FOXP1: variants seen among roughly 807,000 people sequenced by gnomAD.
FOXP1 encodes the protein forkhead box P1.
In FOXP1, 15 loss-of-function variants were observed where a neutral mutation model predicts 98.2. That is an observed-to-expected ratio of 0.15 (90% confidence interval 0.10 to 0.24). FOXP1 has a LOEUF of 0.24. Among genes scored for constraint, FOXP1 ranks in the 10% least tolerant of loss-of-function variants. The probability of loss-of-function intolerance (pLI) is 1.00; values close to 1 mark genes in which losing one functional copy is unlikely to be tolerated. For missense variants in FOXP1, 633 were observed against 848.5 expected (o/e 0.75, Z 3.15); for synonymous variants, 371 against 314.5 (o/e 1.18, Z -1.90).
At chr3:71,426,415 T>G (rs1427459830) in intron 3 of FOXP1, among the ~76,000 whole-genome samples, 1 of 152,126 alleles carries the variant, frequency 6.6e-6, no homozygotes. Context: ...GGGAGACTAT[T>G]CAAAAGATTT....
chr3:71,081,384 C>T (rs539321095), intron 7 of FOXP1, among the ~76,000 whole-genome samples: 5 of 152,106 alleles, frequency 3.3e-5, no homozygotes, highest in East Asian at 1.9e-4. Flanking sequence ...ATAGATTTAG[C>T]GATCATCTTA....
intron 7 of FOXP1, among the ~76,000 whole-genome samples, chr3:71,111,952 T>C (rs1207953962): frequency 6.6e-6 from 1 of 152,182 alleles, no homozygotes; most frequent in Non-Finnish European, 1.5e-5. Context: ...TTCTTGATGC[T>C]ATTGACATTC....
intron 3 of FOXP1, among the ~76,000 whole-genome samples, chr3:71,445,076 G>A (rs2086293717): frequency 1.3e-5 from 2 of 152,146 alleles, no homozygotes. Context: ...AGACCACGTG[G>A]CAGGCATGAC....
chr3:71,351,981 T>C (rs2077812794), intron 4 of FOXP1, among the ~76,000 whole-genome samples: 1 of 152,146 alleles, frequency 6.6e-6, no homozygotes, highest in Admixed American at 6.5e-5. Flanking sequence ...CCATAGCTCT[T>C]GTGTTAGCAA....
chr3:71,180,255 T>C (rs180695562), intron 6 of FOXP1, among the ~76,000 whole-genome samples: 37 of 152,264 alleles, frequency 2.4e-4, no homozygotes, highest in Non-Finnish European at 4.7e-4. Context: ...ACAAGAATCA[T>C]GTATTATTTC....
At chr3:71,232,638 C>T (rs2066386873) in intron 5 of FOXP1, among the ~76,000 whole-genome samples, 1 of 151,720 alleles carries the variant, frequency 6.6e-6, no homozygotes, top group Non-Finnish European at 1.5e-5. Context: ...GTGGCTCATG[C>T]CTGTAATCCC....
Position 70,968,873 on chromosome 3 carries a change from C to T in FOXP1, c.1722+1863G>A, listed in dbSNP as rs561053162. On this transcript the variant is annotated intron_variant, in intron 19 of 20. Transcript: ENST00000649528. ...TTGTCTTATGTGTCTGTCTACTGAT[C>T]AGGGATCCAAACTCGTAGAAGAGAG... The T allele has an allele frequency of 2.6e-5, 4 of 152,264 alleles. No homozygotes were observed. In the South Asian group the frequency reaches 8.3e-4, roughly 32 times the overall value. The allele number at this position is 152,264 out of a possible 1,614,324, so 9.4% of individuals were successfully genotyped here. A position where few individuals can be genotyped will look rare whatever the true frequency, so the allele number is the denominator to read the frequency against.
intron 2 of FOXP1, among the ~76,000 whole-genome samples, chr3:71,562,300 C>T (rs747678152): frequency 6.6e-6 from 1 of 152,232 alleles, no homozygotes; most frequent in African/African-American, 2.4e-5. Context: ...AAATTACATA[C>T]ATTAACTTAC....
rs1480229844 is a variant in FOXP1 at position 71,535,869 on chromosome 3, C to T, written c.-297-42314G>A. ...CCCAAGATCCTTCTAATACACACAA[C>T]GCCTCCCCGTGCCCTCCACCCTGGC... On this transcript the variant is annotated intron_variant, in intron 2 of 20. Coordinates refer to ENST00000649528, the MANE Select transcript of FOXP1 (RefSeq NM_001349338.3). Among the ~76,000 whole-genome samples, 7 of 152,294 alleles carry T rather than the reference C, an allele frequency of 4.6e-5. No homozygotes were observed. The South Asian group carries it at 6.2e-4, about 14-fold the overall frequency.
chr3:70,991,670 T>C (rs2040620482), intron 13 of FOXP1, among the ~76,000 whole-genome samples: 1 of 152,162 alleles, frequency 6.6e-6, no homozygotes, highest in Non-Finnish European at 1.5e-5. Flanking sequence ...TGAGGACAGA[T>C]GAGAAGAAAG....
chr3:71,484,899 G>A (rs971647790), intron 3 of FOXP1, among the ~76,000 whole-genome samples: 3 of 152,154 alleles, frequency 2.0e-5, no homozygotes, highest in Non-Finnish European at 4.4e-5. Flanking sequence ...AACACTGCCC[G>A]TAGGAAGATT....
chr3:71,484,692 T>C (rs1446456009), intron 3 of FOXP1, among the ~76,000 whole-genome samples: 1 of 152,132 alleles, frequency 6.6e-6, no homozygotes, highest in Non-Finnish European at 1.5e-5. Flanking sequence ...GGCCAGGACC[T>C]GAGGCTATCC....
intron 3 of FOXP1, among the ~76,000 whole-genome samples, chr3:71,438,488 A>C (rs2085584144): frequency 6.6e-6 from 1 of 152,168 alleles, no homozygotes; most frequent in East Asian, 1.9e-4. Context: ...CAGCAGAGGA[A>C]ACTCTGGCTC....
At chr3:71,553,529 C>T (rs1478901594) in intron 2 of FOXP1, among the ~76,000 whole-genome samples, 2 of 152,136 alleles carry the variant, frequency 1.3e-5, no homozygotes, top group East Asian at 3.8e-4. Context: ...TTCGGTTCTT[C>T]ACTGGTTTTT....
chr3:71,220,455 TGG>T (rs1436754805), intron 5 of FOXP1, among the ~76,000 whole-genome samples: 1 of 152,096 alleles, frequency 6.6e-6, no homozygotes, highest in Non-Finnish European at 1.5e-5. Flanking sequence ...ATGAGTCAGA[TGG>T]TGAGGGGAGG....
At chr3:71,049,651 G>A (rs2049567707) in intron 9 of FOXP1, among the ~76,000 whole-genome samples, 1 of 151,988 alleles carries the variant, frequency 6.6e-6, no homozygotes, top group Admixed American at 6.6e-5. Context: ...GGGGTGGGGG[G>A]AGCCTGACAA....
At chr3:71,366,961 T>G (rs1305590421) in intron 3 of FOXP1, among the ~76,000 whole-genome samples, 1 of 152,228 alleles carries the variant, frequency 6.6e-6, no homozygotes, top group Non-Finnish European at 1.5e-5. Context: ...TTGCTTGATG[T>G]AAAATTATAC....
At chr3:71,130,881 C>A in intron 6 of FOXP1, 1 of 1,390,902 alleles carries the variant, frequency 7.2e-7, no homozygotes, top group Admixed American at 3.1e-5. Flanking sequence ...ATATCTAAAC[C>A]GCTCCAGGTC....
chr3:71,187,143 T>C (rs571702260), intron 6 of FOXP1, among the ~76,000 whole-genome samples: 2 of 152,376 alleles, frequency 1.3e-5, no homozygotes, highest in South Asian at 4.1e-4. Flanking sequence ...AGGTACTGAA[T>C]GAACAGCTGA....
Sources: allele counts gnomAD v4.1 joint callset (sites outside exome capture counted in the v4.1 genomes callset), GRCh38; gene constraint gnomAD v4.1.1; transcripts MANE v1.5; gene names NCBI Gene and HGNC (gene_info 2026-07-23, HGNC 2026-07-21).